The following HSPA12A variants were observed in gnomAD, a reference collection of about 807,000 sequenced individuals.
HSPA12A encodes heat shock protein family A (Hsp70) member 12A.
In HSPA12A, 28 loss-of-function variants were observed where a neutral mutation model predicts 69.2. That is an observed-to-expected ratio of 0.40 (90% CI 0.30 to 0.55). The LOEUF is 0.55. HSPA12A is among the 20% of genes least tolerant of loss of function. HSPA12A has a pLI of 0.38. For missense variants in HSPA12A, 686 were observed against 900.7 expected (o/e 0.76, Z 3.05); for synonymous variants, 345 against 370.5 (o/e 0.93, Z 0.79).
chr10:116,732,882 C>T (rs1368395128), intron 1 of HSPA12A, among the ~76,000 whole-genome samples: 17 of 152,082 alleles, frequency 1.1e-4, no homozygotes, highest in Admixed American at 1.1e-3. Flanking sequence ...AGTCGGCAGA[C>T]CTCGATTCTG....
chr10:116,679,196 C>T (rs1472114996), intron 10 of HSPA12A, among the ~76,000 whole-genome samples: 6 of 152,230 alleles, frequency 3.9e-5, no homozygotes, highest in African/African-American at 7.2e-5. Context: ...CTAAACTTCG[C>T]TGCTTTCATA....
chr10:116,748,504 G>A (rs935577749), intron 2 of HSPA12A, among the ~76,000 whole-genome samples: 1 of 152,168 alleles, frequency 6.6e-6, no homozygotes, highest in Non-Finnish European at 1.5e-5. Context: ...GCAAGAGTGA[G>A]CCCAAATATT....
At chr10:116,720,450 C>T (rs1166679669) in intron 1 of HSPA12A, among the ~76,000 whole-genome samples, 3 of 152,326 alleles carry the variant, frequency 2.0e-5, no homozygotes, top group African/African-American at 7.2e-5. Flanking sequence ...GCCGGGGCAG[C>T]GCCCTAGTCA....
chr10:116,707,185 ACACACACTTCTTAC>A lies in HSPA12A; in HGVS notation c.126+1_126+14del. On this transcript the variant is annotated splice_donor_variant and splice_donor_5th_base_variant and intron_variant, in intron 2 of 11. Transcript: ENST00000369209. LOFTEE classifies it high-confidence loss of function. ...CACACACACACACACACACACACAC[ACACACACTTCTTAC>A]CACAATATGGGAGGGGGACAGAGGC... 1 of 1,573,710 alleles carries A rather than the reference ACACACACTTCTTAC, an allele frequency of 6.4e-7. No homozygotes were observed. Among genetic ancestry groups the A allele is most frequent in the Non-Finnish European group, 8.7e-7 (1 of 1,152,652 alleles).
intron 7 of HSPA12A, among the ~76,000 whole-genome samples, chr10:116,682,455 T>TGG (rs782049148): frequency 0.014 from 1,767 of 127,450 alleles, 29 homozygotes; most frequent in African/African-American, 0.037. Context: ...GTAAATAGAC[T>TGG]GGGGGGGGGG....
intron 7 of HSPA12A, chr10:116,683,466 G>A (rs1554878991): frequency 3.8e-5 from 8 of 209,522 alleles, no homozygotes; most frequent in Non-Finnish European, 7.6e-5. Context: ...TTAAGAATCT[G>A]TTAATACACA....
chr10:116,800,649 C>T (rs745527210), intron 2 of HSPA12A, among the ~76,000 whole-genome samples: 4 of 152,156 alleles, frequency 2.6e-5, no homozygotes, highest in Non-Finnish European at 5.9e-5. Context: ...TCCATCTCCG[C>T]GATGGATTCT....
intron 1 of HSPA12A, among the ~76,000 whole-genome samples, chr10:116,714,368 T>C (rs1016901449): frequency 2.4e-4 from 37 of 152,102 alleles, no homozygotes; most frequent in African/African-American, 8.5e-4. Flanking sequence ...CTTTTGCCAG[T>C]AAAACCACCA....
chr10:116,770,090 G>A (rs901286781), intron 2 of HSPA12A, among the ~76,000 whole-genome samples: 3 of 152,202 alleles, frequency 2.0e-5, no homozygotes, highest in Admixed American at 1.3e-4. Flanking sequence ...TGAACATGCC[G>A]TCATAGTTCC....
chr10:116,721,991 T>A (rs1638425), intron 1 of HSPA12A, among the ~76,000 whole-genome samples: 152,087 of 152,330 alleles, frequency 1, 75,923 homozygotes, highest in Non-Finnish European at 1. Flanking sequence ...GTTACCATGC[T>A]CAGATGGACA....
intron 6 of HSPA12A, among the ~76,000 whole-genome samples, chr10:116,687,220 T>G (rs1849600223): frequency 6.6e-6 from 1 of 152,122 alleles, no homozygotes; most frequent in South Asian, 2.1e-4. Context: ...TGGCCTCAGC[T>G]CCACAGCAAA....
intron 3 of HSPA12A, among the ~76,000 whole-genome samples, chr10:116,702,169 G>A (rs923210838): frequency 2.4e-4 from 36 of 152,058 alleles, no homozygotes; most frequent in African/African-American, 8.5e-4. Flanking sequence ...GCAAGGGAAG[G>A]GGGAAGGGGA....
rs544820316 is a variant in HSPA12A at position 116,682,740 on chromosome 10, T to G, written c.836-863A>C. On this transcript the variant is annotated intron_variant, in intron 7 of 11. Coordinates refer to ENST00000369209, the MANE Select transcript of HSPA12A (RefSeq NM_025015.3). ...CTTTGAGACGGAGTCTCGCTCTGTC[T>G]CCCAGGCTGGAGTGCAGTGGTGCGA... 3.5e-4 allele frequency among the ~76,000 whole-genome samples: 54 copies of G among 152,118 alleles called. 1 individual carries two copies. The Middle Eastern group carries it at 0.01, about 29-fold the overall frequency.
intron 2 of HSPA12A, among the ~76,000 whole-genome samples, chr10:116,747,810 C>G (rs1162005044): frequency 1.3e-5 from 2 of 151,720 alleles, no homozygotes; most frequent in African/African-American, 4.8e-5. Context: ...ACCAGCCTGG[C>G]CAACATGGTG....
intron 1 of HSPA12A, among the ~76,000 whole-genome samples, chr10:116,839,935 G>T (rs1845778842): frequency 6.6e-6 from 1 of 151,870 alleles, no homozygotes; most frequent in Non-Finnish European, 1.5e-5. Flanking sequence ...TAGTATTGGG[G>T]CTTGAAAGAA....
intron 2 of HSPA12A, among the ~76,000 whole-genome samples, chr10:116,802,917 G>A (rs1317638974): frequency 6.6e-6 from 1 of 152,234 alleles, no homozygotes; most frequent in Non-Finnish European, 1.5e-5. Context: ...TTCTCCCTTT[G>A]TATGTCTCTG....
chr10:116,690,970 G>A (rs1370223435), intron 6 of HSPA12A, among the ~76,000 whole-genome samples: 2 of 152,198 alleles, frequency 1.3e-5, no homozygotes, highest in East Asian at 3.9e-4. Flanking sequence ...GCTGTGTCCC[G>A]ATGCCCCATT....
chr10:116,752,429 C>T (rs190728526), intron 2 of HSPA12A, among the ~76,000 whole-genome samples: 15 of 152,336 alleles, frequency 9.8e-5, no homozygotes, highest in African/African-American at 3.1e-4. Flanking sequence ...CTCTCTCTCA[C>T]TTATTCATCC....
intron 2 of HSPA12A, among the ~76,000 whole-genome samples, chr10:116,771,985 A>G (rs530177681): frequency 2.1e-3 from 324 of 152,288 alleles, no homozygotes; most frequent in Non-Finnish European, 3.4e-3. Flanking sequence ...CGTATTTCCC[A>G]TCTCCACATT....
Sources: allele counts gnomAD v4.1 joint callset (sites outside exome capture counted in the v4.1 genomes callset), GRCh38; gene constraint gnomAD v4.1.1; transcripts MANE v1.5; gene names NCBI Gene and HGNC (gene_info 2026-07-23, HGNC 2026-07-21).